The following TAF8 variants were observed in gnomAD, a reference collection of about 807,000 sequenced individuals.
The protein encoded by TAF8 is transcription initiation factor TFIID subunit 8.
In TAF8, 47 loss-of-function variants were observed where a neutral mutation model predicts 36.5. The ratio of observed to expected loss-of-function variants is 1.29; its 90% confidence interval spans 1.02 to 1.64. The LOEUF (loss-of-function observed/expected upper bound fraction) is 1.64. TAF8 is among the 40% of genes most tolerant of loss of function. The pLI is 0.00. For synonymous variants in TAF8, 175 were observed against 159.5 expected (o/e 1.10, Z -0.73); for missense variants, 420 against 407.6 (o/e 1.03, Z -0.26).
intron 5 of TAF8, among the ~76,000 whole-genome samples, chr6:42,058,129 A>C (rs1030109501): frequency 2.9e-4 from 44 of 152,312 alleles, no homozygotes; most frequent in Admixed American, 2.5e-3. Flanking sequence ...CATACCTTTA[A>C]TCCCAACACT....
chr6:42,057,807 A>G (rs6917738), intron 5 of TAF8: 3 of 391,436 alleles, frequency 7.7e-6, no homozygotes, highest in African/African-American at 2.1e-5. Flanking sequence ...TATCTTTCAT[A>G]ATTGAGAAAC....
At chr6:42,066,089 C>T (rs1184935959) in intron 5 of TAF8, among the ~76,000 whole-genome samples, 1 of 152,042 alleles carries the variant, frequency 6.6e-6, no homozygotes, top group South Asian at 2.1e-4. Context: ...TTGGTAGAGA[C>T]GGGGTTTCGT....
intron 5 of TAF8, among the ~76,000 whole-genome samples, chr6:42,059,741 G>A (rs1477818724): frequency 1.3e-5 from 2 of 152,150 alleles, no homozygotes; most frequent in Non-Finnish European, 2.9e-5. Context: ...TTTAGCCTCC[G>A]CCCAGGAATG....
intron 7 of TAF8, among the ~76,000 whole-genome samples, chr6:42,072,794 C>T (rs1765623170): frequency 6.6e-6 from 1 of 152,040 alleles, no homozygotes; most frequent in Admixed American, 6.5e-5. Context: ...GTGATCTCGG[C>T]TCGCTGCAAG....
chr6:42,056,154 A>G (rs924097016), intron 4 of TAF8, 140 bp downstream of exon 4: 6 of 632,366 alleles, frequency 9.5e-6, no homozygotes, highest in Non-Finnish European at 1.7e-5. Flanking sequence ...TACCTACAAT[A>G]TAATCTTTAT....
chr6:42,061,143 A>G (rs770924554), intron 5 of TAF8, among the ~76,000 whole-genome samples: 2 of 152,228 alleles, frequency 1.3e-5, no homozygotes, highest in African/African-American at 4.8e-5. Flanking sequence ...GACCAAAGCA[A>G]GATAAAATGT....
intron 4 of TAF8, 67 bp from the exon 5 acceptor site, chr6:42,057,322 G>A: frequency 6.2e-7 from 1 of 1,605,218 alleles, no homozygotes; most frequent in South Asian, 1.1e-5. Flanking sequence ...AGGCTTTGGG[G>A]AGAGACCATA....
intron 6 of TAF8, among the ~76,000 whole-genome samples, chr6:42,067,328 T>G (rs1293227783): frequency 6.6e-6 from 1 of 152,182 alleles, no homozygotes; most frequent in Non-Finnish European, 1.5e-5. Flanking sequence ...CAGCGATTCT[T>G]CTGCTTCAGC....
chr6:42,056,357 T>G (rs1764987746), intron 4 of TAF8: 1 of 259,116 alleles, frequency 3.9e-6, no homozygotes, highest in African/African-American at 2.3e-5. Context: ...GCCTCCTGTT[T>G]TTGTAAATAA....
intron 5 of TAF8, among the ~76,000 whole-genome samples, chr6:42,062,794 C>T (rs1035971810): frequency 6.6e-6 from 1 of 151,966 alleles, no homozygotes; most frequent in Non-Finnish European, 1.5e-5. Flanking sequence ...CCTACCTTGG[C>T]CTCCCAAAGT....
At chr6:42,083,589 T>TC (rs1046497537), downstream of TAF8, among the ~76,000 whole-genome samples, 1 of 152,182 alleles carries the variant, frequency 6.6e-6, no homozygotes, top group East Asian at 1.9e-4. Flanking sequence ...GAATTTTTTT[T>TC]CCCCCTGGAT....
At chr6:42,057,660 C>A (rs1343605446) in intron 5 of TAF8, 147 bp downstream of exon 5, 3 of 1,116,254 alleles carry the variant, frequency 2.7e-6, no homozygotes, top group Non-Finnish European at 3.8e-6. Context: ...TGGCTCACAC[C>A]TGTAATCCCA....
chr6:42,076,058 C>T (rs960726059), intron 7 of TAF8, among the ~76,000 whole-genome samples: 2 of 151,766 alleles, frequency 1.3e-5, no homozygotes, highest in African/African-American at 4.8e-5. Context: ...AAATAAAAAA[C>T]TTAGCGGGAT....
intron 7 of TAF8, among the ~76,000 whole-genome samples, chr6:42,074,914 A>G (rs1393468231): frequency 6.7e-6 from 1 of 149,756 alleles, no homozygotes. Context: ...TGAAGGGGAC[A>G]TTTCTATGAG....
At chr6:42,075,555 C>T (rs986623842) in intron 7 of TAF8, among the ~76,000 whole-genome samples, 3 of 152,200 alleles carry the variant, frequency 2.0e-5, no homozygotes, top group African/African-American at 4.8e-5. Context: ...TATTTCATGC[C>T]ATCCGGTCAT....
chr6:42,052,224 T>C (rs1764816089), intron 2 of TAF8, among the ~76,000 whole-genome samples: 1 of 152,332 alleles, frequency 6.6e-6, no homozygotes, highest in East Asian at 1.9e-4. Flanking sequence ...AGGACTTTTG[T>C]TGGGGAGTCA....
rs1765829892 is a variant in TAF8 at position 42,078,542 on chromosome 6, G to A, written c.*997G>A. 7.1e-6 allele frequency: 7 copies of A among 985,560 alleles called. No individual in the cohort carries two copies. Among genetic ancestry groups the A allele is most frequent in the Non-Finnish European group, 8.4e-6 (7 of 829,962 alleles). The allele number at this position is 985,560 out of a possible 1,614,324, so 61.1% of individuals were successfully genotyped here. ...ACAGGAGGCCACACAGCACAGCTTT[G>A]TTTGGGGTGGGCAGGAGTCAGGAGT... On this transcript the variant is annotated 3_prime_UTR_variant, in exon 9 of 9. Transcript: ENST00000372977.
At chr6:42,061,093 T>G (rs1765174968) in intron 5 of TAF8, among the ~76,000 whole-genome samples, 1 of 152,196 alleles carries the variant, frequency 6.6e-6, no homozygotes, top group Non-Finnish European at 1.5e-5. Flanking sequence ...AGACCTGCAC[T>G]TAGAGTCCTA....
At chr6:42,056,057 A>T in intron 4 of TAF8, 43 bp downstream of exon 4, 1 of 1,286,808 alleles carries the variant, frequency 7.8e-7, no homozygotes, top group Middle Eastern at 1.8e-4. Context: ...TTTTCAATTA[A>T]TGCTTGTGGA....
Sources: gnomAD v4.1 joint callset for allele counts (sites outside exome capture counted in the v4.1 genomes callset) on GRCh38, gnomAD v4.1.1 for gene constraint, MANE v1.5 for transcripts, NCBI Gene and HGNC (gene_info 2026-07-23, HGNC 2026-07-21) for gene names.